The following STAB2 variants were observed in gnomAD, a reference collection of about 807,000 sequenced individuals.
STAB2 encodes stabilin 2, also known as stabilin-2.
STAB2 carries 288 observed loss-of-function variants against 338.1 expected under a neutral mutation model. The ratio of observed to expected loss-of-function variants is 0.85; its 90% CI spans 0.77 to 0.94. The LOEUF (loss-of-function observed/expected upper bound fraction) is 0.94. Ranked by LOEUF, STAB2 falls within the 40% of genes least tolerant of loss-of-function variation. STAB2 has a pLI of 0.00. For missense variants in STAB2, 3,141 were observed against 3,210.1 expected, an observed-to-expected ratio of 0.98 and a Z score of 0.52; for synonymous variants, 1,202 against 1,193.3, an observed-to-expected ratio of 1.01 and a Z score of -0.15.
chr12:103,724,410 G>C (rs528145119), intron 44 of STAB2, among the ~76,000 whole-genome samples: 1 of 152,160 alleles, frequency 6.6e-6, no homozygotes, highest in Non-Finnish European at 1.5e-5. Flanking sequence ...GTGAGGAAGG[G>C]GCCTATGGGG....
intron 52 of STAB2, among the ~76,000 whole-genome samples, chr12:103,737,213 T>TG (rs1882200668): frequency 6.6e-6 from 1 of 152,156 alleles, no homozygotes; most frequent in African/African-American, 2.4e-5. Flanking sequence ...GTTTCTCCTT[T>TG]GGTAGAGGAA....
At chr12:103,603,133 C>T (rs990963081) in intron 3 of STAB2, among the ~76,000 whole-genome samples, 3 of 152,074 alleles carry the variant, frequency 2.0e-5, no homozygotes, top group Non-Finnish European at 2.9e-5. Flanking sequence ...TGCAGTGGCG[C>T]GATCTCGGCT....
chr12:103,706,620 A>G (rs949531282), intron 37 of STAB2, among the ~76,000 whole-genome samples, 172 bp from the exon 38 acceptor site: 4 of 151,912 alleles, frequency 2.6e-5, no homozygotes, highest in African/African-American at 7.3e-5. Flanking sequence ...ACCCCTAGAA[A>G]TTGCCAAGCC....
chr12:103,592,833 C>A (rs891977297), intron 2 of STAB2, among the ~76,000 whole-genome samples: 18 of 152,144 alleles, frequency 1.2e-4, no homozygotes, highest in Admixed American at 1.3e-4. Flanking sequence ...GCAAACAATA[C>A]CTTCCCATTT....
intron 49 of STAB2, 38 bp downstream of exon 49, chr12:103,730,294 A>T (rs755779209): frequency 3.7e-6 from 6 of 1,603,470 alleles, no homozygotes; most frequent in Non-Finnish European, 4.3e-6. Flanking sequence ...GCCTGGAGTG[A>T]CTCAATACAT....
chr12:103,713,891 G>C, intron 42 of STAB2, 123 bp downstream of exon 42: 8 of 1,483,970 alleles, frequency 5.4e-6, no homozygotes, highest in Non-Finnish European at 7.3e-6. Flanking sequence ...CATTTGCCAG[G>C]GCAGGAAAGT....
At chr12:103,606,295 T>G (rs1565956018) in intron 3 of STAB2, among the ~76,000 whole-genome samples, 2 of 152,190 alleles carry the variant, frequency 1.3e-5, no homozygotes, top group Non-Finnish European at 2.9e-5. Flanking sequence ...GTGCTATTAT[T>G]GTTATGTATA....
chr12:103,655,635 T>G, intron 15 of STAB2, 54 bp downstream of exon 15: 1 of 1,601,878 alleles, frequency 6.2e-7, no homozygotes, highest in Non-Finnish European at 8.5e-7. Context: ...TGCCTCAGTC[T>G]GTGTCTAAAC....
rs139885714 is a variant in STAB2 at position 103,745,254 on chromosome 12, G to A, written c.6113G>A (p.Gly2038Asp). 8.1e-6 allele frequency: 13 copies of A among 1,613,634 alleles called. No individual in the cohort carries two copies. In the African/African-American group the frequency reaches 1.1e-4, roughly 13 times the overall value. ...TGCCTCTGTGAAACGGGGTGGACAG[G>A]CCCCTCGTGTGACACTCAGGCAGGT... ...GQCLCETGWT[G>D]PSCDTQAVLP... is the part of the protein sequence containing the mutation. The change falls in exon 57 of 69, where the codon GGC (glycine) becomes GAC (aspartate). Residue 2038 changes from glycine to aspartate, a missense_variant. Physicochemically the swap from Gly to Asp is moderately conservative, Grantham distance 94. Transcript: ENST00000388887.
chr12:103,739,283 C>T (rs1882386464), intron 53 of STAB2, 129 bp from the exon 54 acceptor site: 3 of 838,560 alleles, frequency 3.6e-6, no homozygotes, highest in Non-Finnish European at 3.4e-6. Flanking sequence ...GGCCTGTTTT[C>T]ATATTCTTGA....
At chr12:103,715,697 T>G in intron 42 of STAB2, 118 bp from the exon 43 acceptor site, 1 of 1,118,508 alleles carries the variant, frequency 8.9e-7, no homozygotes, top group South Asian at 1.4e-5. Context: ...GAAAACTGAA[T>G]CATGCTTTGA....
At position 103,685,150 on chromosome 12, in the gene STAB2, C is replaced by G. The variant is rs1040648405; in HGVS notation, c.2997+66C>G. ...CTTTAAAAACCTCTTAGCTAAGATG[C>G]CTTTAAAGTGATCTATTGACATATC... On this transcript the variant is annotated intron_variant, in intron 27 of 68. Coordinates refer to ENST00000388887, the MANE Select transcript of STAB2 (RefSeq NM_017564.10). 25 of 1,409,618 alleles carry G rather than the reference C, an allele frequency of 1.8e-5. No individual in the cohort carries two copies. The East Asian group carries it at 2.1e-4, about 12-fold the overall frequency. The allele number at this position is 1,409,618 out of a possible 1,614,324, so 87.3% of individuals were successfully genotyped here.
chr12:103,705,510 A>G (rs1383217968), intron 36 of STAB2, 122 bp from the exon 37 acceptor site: 2 of 750,276 alleles, frequency 2.7e-6, no homozygotes, highest in African/African-American at 3.5e-5. Flanking sequence ...ACAAGCCACC[A>G]CCTTCTCTTC....
Position 103,706,818 on chromosome 12 carries a change from T to C in STAB2, c.4023T>C (p.Phe1341=). ...VITRECCAGF[F]GPQCQPCPGN... ...CGAGAGAATGCTGTGCCGGCTTCTT[T>C]GGCCCCCAATGCCAGCCCTGCCCAG... The change falls in exon 38 of 69, where the codon TTT becomes TTC. Residue 1341 remains phenylalanine (F), a synonymous_variant. Transcript: ENST00000388887. 3 of 1,614,262 alleles carry C rather than the reference T, an allele frequency of 1.9e-6. No homozygotes were observed. Among genetic ancestry groups the C allele is most frequent in the Non-Finnish European group, 2.5e-6 (3 of 1,180,050 alleles).
Position 103,643,586 on chromosome 12 carries a change from T to C in STAB2, c.1040+3330T>C, listed in dbSNP as rs1285001069. 2.6e-5 allele frequency among the ~76,000 whole-genome samples: 4 copies of C among 152,064 alleles called. No individual in the cohort carries two copies. In the East Asian group the frequency reaches 7.8e-4, roughly 30 times the overall value. On this transcript the variant is annotated intron_variant, in intron 9 of 68. Transcript: ENST00000388887. ...TGAGAGAATTTAGGGTCCAGAACTG[T>C]GATAAGGATGTAGCACAGTGGCAGT...
At chr12:103,607,615 C>A (rs536798677) in intron 3 of STAB2, among the ~76,000 whole-genome samples, 1 of 151,916 alleles carries the variant, frequency 6.6e-6, no homozygotes, top group African/African-American at 2.4e-5. Flanking sequence ...TAATTCACAC[C>A]TATGAGTGAG....
In STAB2 at chr12:103,677,575, C is replaced by G; in HGVS notation, c.2769C>G (p.His923Gln). ...TGCTGCCCAGTGCAGGCGGCTGCCACGACAACGCATCCTGTTTGTATGTGG... is the reference window on the plus strand; with the variant it reads ...TGCTGCCCAGTGCAGGCGGCTGCCAGGACAACGCATCCTGTTTGTATGTGG... ...NCLLPSAGGCHDNASCLYVGP... is the reference protein window; with the variant it reads ...NCLLPSAGGCQDNASCLYVGP... The change falls in exon 25 of 69, where the codon CAC becomes CAG. Residue 923 changes from histidine to glutamine, a missense_variant. Physicochemically the swap from His to Gln is conservative, Grantham distance 24. Transcript: ENST00000388887. 1 of 1,613,994 alleles carries G rather than the reference C, an allele frequency of 6.2e-7. No individual in the cohort carries two copies. Among genetic ancestry groups the G allele is most frequent in the Non-Finnish European group, 8.5e-7 (1 of 1,179,882 alleles).
chr12:103,740,191 A>G (rs1379333351), intron 54 of STAB2, among the ~76,000 whole-genome samples: 7 of 152,204 alleles, frequency 4.6e-5, no homozygotes, highest in African/African-American at 1.7e-4. Context: ...ACTTATTCCA[A>G]AGTCAAGCTC....
chr12:103,594,817 T>C (rs566879668), intron 3 of STAB2, among the ~76,000 whole-genome samples: 1 of 152,330 alleles, frequency 6.6e-6, no homozygotes, highest in South Asian at 2.1e-4. Flanking sequence ...CCTGGGCTAT[T>C]AGGACCCCCA....
Sources: allele counts gnomAD v4.1 joint callset (sites outside exome capture counted in the v4.1 genomes callset), GRCh38; gene constraint gnomAD v4.1.1; transcripts MANE v1.5; gene names NCBI Gene and HGNC (gene_info 2026-07-23, HGNC 2026-07-21).